PTPRK: variants seen among roughly 807,000 people sequenced by gnomAD.
PTPRK encodes the protein receptor-type tyrosine-protein phosphatase kappa.
PTPRK carries 75 observed loss-of-function variants against 178.0 expected under a neutral mutation model. The observed-to-expected ratio is 0.42, with a 90% CI of 0.35 to 0.51. The LOEUF (loss-of-function observed/expected upper bound fraction) is 0.51, where lower values mean the gene tolerates loss of function less well. PTPRK is among the 20% of genes least tolerant of loss of function. PTPRK has a pLI of 0.02. For missense variants in PTPRK, 1,441 were observed against 1,797.8 expected (o/e 0.80, Z 3.59); for synonymous variants, 637 against 620.6 (o/e 1.03, Z -0.39).
chr6:128,035,733 G>C (rs183177655), intron 13 of PTPRK, among the ~76,000 whole-genome samples: 92 of 152,306 alleles, frequency 6.0e-4, no homozygotes, highest in African/African-American at 2.1e-3. Flanking sequence ...CAGTATAGCA[G>C]ATAGTGCCTT....
At chr6:128,085,162 A>C (rs1486143064) in intron 8 of PTPRK, 2 of 152,202 alleles carry the variant, frequency 1.3e-5, no homozygotes, top group Non-Finnish European at 2.9e-5. Flanking sequence ...TAAACAGAAA[A>C]TATGCCAGCA....
intron 6 of PTPRK, among the ~76,000 whole-genome samples, chr6:128,190,933 A>G (rs559335238): frequency 6.6e-6 from 1 of 152,194 alleles, no homozygotes; most frequent in Non-Finnish European, 1.5e-5. Context: ...GTAGGTATCA[A>G]TCAGAAGGAG....
intron 2 of PTPRK, among the ~76,000 whole-genome samples, chr6:128,363,558 T>C (rs1392522697): frequency 6.6e-6 from 1 of 152,156 alleles, no homozygotes; most frequent in Admixed American, 6.6e-5. Flanking sequence ...AAACAGTACC[T>C]GCCTCCATTC....
intron 6 of PTPRK, among the ~76,000 whole-genome samples, chr6:128,204,362 G>A (rs899255387): frequency 6.6e-6 from 1 of 152,134 alleles, no homozygotes; most frequent in Admixed American, 6.5e-5. Context: ...CATAGGCATG[G>A]ATAAAGATTT....
chr6:127,989,246 C>G (rs1406799949), intron 21 of PTPRK, among the ~76,000 whole-genome samples: 5 of 152,012 alleles, frequency 3.3e-5, no homozygotes, highest in Admixed American at 6.6e-5. Flanking sequence ...GCTAGTTATT[C>G]ATTAAATCAA....
intron 21 of PTPRK, among the ~76,000 whole-genome samples, chr6:127,989,817 T>G (rs934214395): frequency 6.7e-6 from 1 of 148,804 alleles, no homozygotes; most frequent in Non-Finnish European, 1.5e-5. Context: ...GATTCTAGTT[T>G]TTTTTTTTTT....
At chr6:128,484,677 C>T (rs924942820) in intron 1 of PTPRK, among the ~76,000 whole-genome samples, 2 of 152,010 alleles carry the variant, frequency 1.3e-5, no homozygotes, top group Admixed American at 1.3e-4. Context: ...TTTGTTAATG[C>T]TTTATTTTAA....
At chr6:128,508,896 A>G (rs1256098815) in intron 1 of PTPRK, among the ~76,000 whole-genome samples, 1 of 151,924 alleles carries the variant, frequency 6.6e-6, no homozygotes, top group African/African-American at 2.4e-5. Flanking sequence ...GCGGTGAGCC[A>G]AGATCATGCC....
In PTPRK at chr6:128,006,061, A is replaced by G. The variant is rs1205908634; in HGVS notation, c.2334-817T>C. ...AGTAAGAATAGTAGCTCCTCCTGGC[A>G]AGCAAATCACAGACAGTGGAAAAAG... On this transcript the variant is annotated intron_variant, in intron 14 of 29. Transcript: ENST00000368226. 1.9e-6 allele frequency: 3 copies of G among 1,565,034 alleles called. No homozygotes were observed. In the African/African-American group the frequency reaches 4.1e-5, roughly 21 times the overall value.
intron 13 of PTPRK, among the ~76,000 whole-genome samples, chr6:128,050,834 T>C (rs1778877671): frequency 6.6e-6 from 1 of 152,234 alleles, no homozygotes; most frequent in African/African-American, 2.4e-5. Context: ...AGTCATGGCA[T>C]ACAGCCGATA....
chr6:128,332,599 T>C (rs976094646), intron 2 of PTPRK, among the ~76,000 whole-genome samples: 1 of 152,242 alleles, frequency 6.6e-6, no homozygotes, highest in Non-Finnish European at 1.5e-5. Context: ...AGAAAATGTA[T>C]GAAGAGAATA....
At chr6:128,054,649 T>C (rs1779602218) in intron 13 of PTPRK, among the ~76,000 whole-genome samples, 1 of 152,212 alleles carries the variant, frequency 6.6e-6, no homozygotes, top group Non-Finnish European at 1.5e-5. Flanking sequence ...CACTACACTT[T>C]TCCAGCCACT....
chr6:128,277,992 C>T (rs1053806680), intron 3 of PTPRK, among the ~76,000 whole-genome samples: 1 of 152,156 alleles, frequency 6.6e-6, no homozygotes, highest in African/African-American at 2.4e-5. Flanking sequence ...AAAAAACCTA[C>T]AAATCAGTGT....
intron 28 of PTPRK, 39 bp downstream of exon 28, chr6:127,973,625 C>A (rs1471661142): frequency 6.2e-7 from 1 of 1,604,858 alleles, no homozygotes; most frequent in Non-Finnish European, 8.5e-7. Flanking sequence ...AAATAAGCAC[C>A]AAGGCCCCAT....
At chr6:128,129,845 G>A (rs1793941253) in intron 7 of PTPRK, among the ~76,000 whole-genome samples, 1 of 152,110 alleles carries the variant, frequency 6.6e-6, no homozygotes, top group African/African-American at 2.4e-5. Context: ...AGCTAGATGT[G>A]TCATCATGTC....
At chr6:128,124,572 G>T (rs1333263900) in intron 7 of PTPRK, among the ~76,000 whole-genome samples, 1 of 151,976 alleles carries the variant, frequency 6.6e-6, no homozygotes. Flanking sequence ...AAAACTCTCA[G>T]TGCCTCACCT....
chr6:128,198,224 G>C (rs1375185514), intron 6 of PTPRK, among the ~76,000 whole-genome samples: 1 of 152,132 alleles, frequency 6.6e-6, no homozygotes, highest in Admixed American at 6.6e-5. Flanking sequence ...GTCTTATTAA[G>C]ACAGCTGAAA....
chr6:128,375,103 T>C (rs1057319542), intron 2 of PTPRK, among the ~76,000 whole-genome samples: 7 of 144,546 alleles, frequency 4.8e-5, no homozygotes, highest in Non-Finnish European at 1.1e-4. Flanking sequence ...TTATTATTAT[T>C]ATCCTTTTCC....
chr6:128,016,690 T>A (rs1779631899), intron 13 of PTPRK, among the ~76,000 whole-genome samples: 1 of 151,880 alleles, frequency 6.6e-6, no homozygotes, highest in African/African-American at 2.4e-5. Context: ...TAGGGCCTAT[T>A]GTTTAAGAAG....
Sources: gnomAD v4.1 joint callset for allele counts (sites outside exome capture counted in the v4.1 genomes callset) on GRCh38, gnomAD v4.1.1 for gene constraint, MANE v1.5 for transcripts, NCBI Gene and HGNC (gene_info 2026-07-23, HGNC 2026-07-21) for gene names.